PDE4D: variants seen among roughly 807,000 people sequenced by gnomAD.
PDE4D encodes the protein 3',5'-cyclic-AMP phosphodiesterase 4D.
Under a neutral mutation model 87.4 loss-of-function variants are expected in PDE4D, and 24 were observed. That is an observed-to-expected ratio of 0.27 (90% CI 0.20 to 0.39). The LOEUF (loss-of-function observed/expected upper bound fraction) is 0.39. Ranked by LOEUF, PDE4D falls within the 10% of genes least tolerant of loss-of-function variation. The pLI is 1.00. For synonymous variants in PDE4D, 384 were observed against 383.2 expected (o/e 1.00, Z -0.02); for missense variants, 714 against 1,041.0 (o/e 0.69, Z 4.32).
intron 1 of PDE4D, among the ~76,000 whole-genome samples, chr5:59,611,518 A>T (rs1038892208): frequency 1.3e-5 from 2 of 152,026 alleles, no homozygotes; most frequent in Non-Finnish European, 2.9e-5. Flanking sequence ...TTGTATATTC[A>T]TTTATCTGTC....
intron 1 of PDE4D, among the ~76,000 whole-genome samples, chr5:60,283,254 A>G (rs1752110559): frequency 6.6e-6 from 1 of 152,106 alleles, no homozygotes; most frequent in South Asian, 2.1e-4. Flanking sequence ...AGTATTGCCC[A>G]TCTTTTGTCT....
chr5:59,286,598 G>C (rs911100502), intron 1 of PDE4D, among the ~76,000 whole-genome samples: 3 of 152,116 alleles, frequency 2.0e-5, no homozygotes, highest in Non-Finnish European at 2.9e-5. Flanking sequence ...GTTAGTCACT[G>C]TTTTTATTCT....
At chr5:60,274,862 G>A (rs549158096) in intron 1 of PDE4D, among the ~76,000 whole-genome samples, 2 of 152,182 alleles carry the variant, frequency 1.3e-5, no homozygotes, top group South Asian at 4.1e-4. Context: ...ATGTCCTATG[G>A]ACCCTTGTAA....
intron 1 of PDE4D, among the ~76,000 whole-genome samples, chr5:59,308,199 T>C (rs919692624): frequency 9.8e-5 from 9 of 91,586 alleles, no homozygotes; most frequent in Non-Finnish European, 1.4e-4. Context: ...CATCACACTC[T>C]GGGGACTGTT....
At chr5:59,532,693 C>T (rs1380636768) in intron 1 of PDE4D, among the ~76,000 whole-genome samples, 1 of 152,170 alleles carries the variant, frequency 6.6e-6, no homozygotes, top group Non-Finnish European at 1.5e-5. Flanking sequence ...CCATTTTGGT[C>T]ACAGTTCACT....
chr5:59,675,379 C>T (rs1309024272), intron 1 of PDE4D, among the ~76,000 whole-genome samples: 1 of 152,114 alleles, frequency 6.6e-6, no homozygotes, highest in Non-Finnish European at 1.5e-5. Context: ...CGAGCTGTAG[C>T]GTGAGTTATG....
chr5:59,958,820 A>G (rs1759148105), intron 3 of PDE4D, among the ~76,000 whole-genome samples: 2 of 152,136 alleles, frequency 1.3e-5, no homozygotes, highest in Admixed American at 6.6e-5. Context: ...CCTATTCAAC[A>G]TAGTAACGGA....
At chr5:59,189,193 G>A (rs1316248175) in intron 3 of PDE4D, among the ~76,000 whole-genome samples, 1 of 148,444 alleles carries the variant, frequency 6.7e-6, no homozygotes, top group Non-Finnish European at 1.5e-5. Flanking sequence ...CTGTATTTTG[G>A]TTAGAGTAAA....
rs945734010 is a variant in PDE4D, at chr5:59,963,100, A to C, written c.272+25388T>G. ...TCCCAATGACAGAGCAAAAGCATCT[A>C]GGGATGATGGAGAGGGTCTTGACTT... On this transcript the variant is annotated intron_variant, in intron 3 of 16. Coordinates refer to the PDE4D transcript ENST00000502484. Among the ~76,000 whole-genome samples, 12 of 152,302 alleles carry C rather than the reference A, an allele frequency of 7.9e-5. 1 individual carries two copies. The highest frequency in any genetic ancestry group is 5.9e-4 in the Admixed American group (9 of 15,290).
intron 1 of PDE4D, among the ~76,000 whole-genome samples, chr5:59,417,909 T>G (rs757028892): frequency 2.0e-5 from 3 of 152,192 alleles, no homozygotes; most frequent in Non-Finnish European, 4.4e-5. Flanking sequence ...CCTAATTACC[T>G]GCACTTTTTG....
chr5:60,400,521 C>CAAAAAAAAAA (rs56750243), intron 1 of PDE4D, among the ~76,000 whole-genome samples: 1 of 62,350 alleles, frequency 1.6e-5, no homozygotes, highest in Non-Finnish European at 2.8e-5. Context: ...GACTCCATCT[C>CAAAAAAAAAA]AAAAAAAAAA....
At chr5:59,339,373 A>G (rs938599485) in intron 1 of PDE4D, among the ~76,000 whole-genome samples, 4 of 152,230 alleles carry the variant, frequency 2.6e-5, no homozygotes, top group African/African-American at 7.2e-5. Flanking sequence ...GCATCTCAGC[A>G]TTTCCAAATA....
chr5:60,341,079 A>G (rs941538044), intron 1 of PDE4D, among the ~76,000 whole-genome samples: 3 of 152,186 alleles, frequency 2.0e-5, no homozygotes, highest in African/African-American at 4.8e-5. Flanking sequence ...ATGATTTGCC[A>G]TCCAGTGAGT....
chr5:60,134,941 C>T (rs2149405500), intron 2 of PDE4D, among the ~76,000 whole-genome samples: 1 of 152,154 alleles, frequency 6.6e-6, no homozygotes, highest in Non-Finnish European at 1.5e-5. Context: ...TCCATACACA[C>T]ACATAGAAGA....
intron 1 of PDE4D, among the ~76,000 whole-genome samples, chr5:59,577,789 C>A (rs557798559): frequency 2.1e-4 from 32 of 152,190 alleles, no homozygotes; most frequent in African/African-American, 7.5e-4. Context: ...GTCACAGTAT[C>A]CTCCAGGGTT....
At chr5:59,292,603 A>G (rs554358481) in intron 1 of PDE4D, among the ~76,000 whole-genome samples, 4 of 152,320 alleles carry the variant, frequency 2.6e-5, no homozygotes, top group African/African-American at 7.2e-5. Context: ...AACTCAGCAC[A>G]TAAGTTTTTT....
intron 1 of PDE4D, among the ~76,000 whole-genome samples, chr5:59,334,598 G>C (rs1178642830): frequency 6.6e-6 from 1 of 151,984 alleles, no homozygotes; most frequent in Non-Finnish European, 1.5e-5. Flanking sequence ...TGTAGTGTAA[G>C]CATGTTGATT....
intron 1 of PDE4D, among the ~76,000 whole-genome samples, chr5:59,454,224 T>C (rs1473927901): frequency 1.3e-5 from 2 of 152,224 alleles, no homozygotes; most frequent in Non-Finnish European, 2.9e-5. Context: ...AGAGTTCTGA[T>C]GGATACATGA....
chr5:59,232,341 C>T (rs889091655), intron 1 of PDE4D, among the ~76,000 whole-genome samples: 4 of 151,674 alleles, frequency 2.6e-5, no homozygotes, highest in African/African-American at 9.7e-5. Context: ...CAAACCAAAC[C>T]CAAATAATCC....
Sources: allele counts gnomAD v4.1 joint callset (sites outside exome capture counted in the v4.1 genomes callset), GRCh38; gene constraint gnomAD v4.1.1; transcripts MANE v1.5; gene names NCBI Gene and HGNC (gene_info 2026-07-23, HGNC 2026-07-21).